STARD13: variants seen among roughly 807,000 people sequenced by gnomAD.
STARD13 encodes the protein StAR related lipid transfer domain containing 13.
STARD13 carries 62 observed loss-of-function variants against 106.4 expected under a neutral mutation model. That is an observed-to-expected ratio of 0.58 (90% CI 0.48 to 0.72). The LOEUF (loss-of-function observed/expected upper bound fraction) is 0.72, where lower values mean the gene tolerates loss of function less well. Among genes scored for constraint, STARD13 ranks in the 30% least tolerant of loss-of-function variants. STARD13 has a pLI of 0.00. For missense variants in STARD13, 1,387 were observed against 1,424.0 expected, an observed-to-expected ratio of 0.97 and a Z score of 0.42; for synonymous variants, 565 against 553.0, an observed-to-expected ratio of 1.02 and a Z score of -0.31.
At chr13:33,413,207 T>C in the STARD13 span, among the ~76,000 whole-genome samples, 2 of 152,082 alleles carry the variant, frequency 1.3e-5, no homozygotes, top group Non-Finnish European at 2.9e-5. Flanking sequence ...TTTTAAAACA[T>C]ACATTAAATA....
At chr13:33,608,126 G>C in the STARD13 span, among the ~76,000 whole-genome samples, 1 of 152,168 alleles carries the variant, frequency 6.6e-6, no homozygotes. Context: ...AGACTGGTCT[G>C]GAACTCCAGG....
At chr13:33,492,524 G>A in the STARD13 span, among the ~76,000 whole-genome samples, 17 of 152,156 alleles carry the variant, frequency 1.1e-4, no homozygotes, top group Non-Finnish European at 2.4e-4. Context: ...ACAGGTTGCA[G>A]TAAAGAAGCC....
intron 1 of STARD13, among the ~76,000 whole-genome samples, chr13:33,342,863 G>A (rs777617164): frequency 5.8e-4 from 89 of 152,152 alleles, no homozygotes; most frequent in Admixed American, 1.1e-3. Context: ...TGTACTAATA[G>A]TACTTGCATA....
chr13:33,161,351 A>G (rs867283368), intron 3 of STARD13, among the ~76,000 whole-genome samples: 1 of 151,548 alleles, frequency 6.6e-6, no homozygotes, highest in Admixed American at 6.6e-5. Context: ...GTCCTGCTCT[A>G]TTACCTAGGC....
At chr13:33,567,613 G>A in the STARD13 span, among the ~76,000 whole-genome samples, 3 of 144,828 alleles carry the variant, frequency 2.1e-5, no homozygotes, top group Admixed American at 1.4e-4. Flanking sequence ...AAAAATGATA[G>A]CATTGGAGCA....
the STARD13 span, among the ~76,000 whole-genome samples, chr13:33,578,474 C>A: frequency 6.6e-6 from 1 of 151,960 alleles, no homozygotes. Context: ...ATCCCTCTCT[C>A]TCTCACCATA....
At position 33,308,520 on chromosome 13, in the gene STARD13, C is replaced by CTTTTTTTTTTTTTTTTTTTTTTTTT. The variant is rs552526416; in HGVS notation, c.124+41769_124+41770insAAAAAAAAAAAAAAAAAAAAAAAAA. Reference sequence around the variant, plus strand: ...TCCTTTTTTCTTTTTCTTTTTCTTTCTTTTTTTTTTTTTTTTTTTTGAGTT... The same window carrying CTTTTTTTTTTTTTTTTTTTTTTTTT: ...TCCTTTTTTCTTTTTCTTTTTCTTTCTTTTTTTTTTTTTTTTTTTTTTTTTTTTTTTTTTTTTTTTTTTTTGAGTT... On this transcript the variant is annotated intron_variant, in intron 1 of 5. Transcript: ENST00000567873. 6.6e-3 allele frequency among the ~76,000 whole-genome samples: 582 copies of CTTTTTTTTTTTTTTTTTTTTTTTTT among 88,570 alleles called. 2 individuals are homozygous for CTTTTTTTTTTTTTTTTTTTTTTTTT. Among genetic ancestry groups the CTTTTTTTTTTTTTTTTTTTTTTTTT allele is most frequent in the Non-Finnish European group, 8.4e-3 (398 of 47,182 alleles). The allele number at this position is 88,570 out of a possible 152,430, so 58.1% of individuals were successfully genotyped here.
chr13:33,539,383 T>G, the STARD13 span, among the ~76,000 whole-genome samples: 1 of 152,240 alleles, frequency 6.6e-6, no homozygotes, highest in Non-Finnish European at 1.5e-5. Context: ...CCAGCAGATG[T>G]TTTTAGAAAT....
At chr13:33,246,720 A>AAG (rs760440094) in intron 1 of STARD13, among the ~76,000 whole-genome samples, 186 of 151,210 alleles carry the variant, frequency 1.2e-3, no homozygotes, top group African/African-American at 3.3e-3. Flanking sequence ...AACAAAAACT[A>AAG]AGAGAGAGAG....
chr13:33,644,421 C>A, the STARD13 span, among the ~76,000 whole-genome samples: 6 of 151,972 alleles, frequency 3.9e-5, no homozygotes, highest in African/African-American at 1.5e-4. Flanking sequence ...GTGAATGGTG[C>A]CTGATTCCCG....
chr13:33,306,091 A>G (rs1402729451), intron 1 of STARD13, among the ~76,000 whole-genome samples: 1 of 152,264 alleles, frequency 6.6e-6, no homozygotes, highest in East Asian at 1.9e-4. Flanking sequence ...ACAAGGCTAC[A>G]GTAACCAAAA....
intron 1 of STARD13, among the ~76,000 whole-genome samples, chr13:33,333,123 C>A (rs1594274189): frequency 6.6e-6 from 1 of 152,104 alleles, no homozygotes; most frequent in African/African-American, 2.4e-5. Context: ...GGTACGGTGG[C>A]TCAAGCTTGT....
chr13:33,222,504 C>T (rs1888410842), intron 1 of STARD13, among the ~76,000 whole-genome samples: 1 of 152,196 alleles, frequency 6.6e-6, no homozygotes, highest in Non-Finnish European at 1.5e-5. Context: ...AATTTCAAGA[C>T]AGCAACAGCA....
rs973257285 is a variant in STARD13, at chr13:33,207,313, A to G, written c.170-39691T>C. On this transcript the variant is annotated intron_variant, in intron 1 of 13. Coordinates refer to ENST00000336934, the MANE Select transcript of STARD13 (RefSeq NM_178006.4). ...TTAGTTCTCCTTCCACTCTCACTCA[A>G]TAGAACCCTAGAACTGGCATCTGCC... Among the ~76,000 whole-genome samples the G allele has an allele frequency of 5.3e-5, 8 of 152,224 alleles. No homozygotes were observed. The South Asian group carries it at 1.7e-3, about 32-fold the overall frequency.
chr13:33,522,278 T>C, the STARD13 span, among the ~76,000 whole-genome samples: 5 of 152,184 alleles, frequency 3.3e-5, no homozygotes, highest in Admixed American at 2.6e-4. Context: ...ATTTCCCATA[T>C]GGCACCTGCT....
chr13:33,541,817 C>T, the STARD13 span, among the ~76,000 whole-genome samples: 1 of 152,214 alleles, frequency 6.6e-6, no homozygotes, highest in Non-Finnish European at 1.5e-5. Context: ...GGAGCGGATG[C>T]AGATTCATAC....
intron 1 of STARD13, among the ~76,000 whole-genome samples, chr13:33,270,234 TAAAAC>T (rs1891092092): frequency 1.3e-5 from 2 of 152,086 alleles, no homozygotes; most frequent in Admixed American, 1.3e-4. Context: ...AGACTCGGCC[TAAAAC>T]AAAACAAAAA....
At chr13:33,307,457 C>T (rs193124795) in intron 1 of STARD13, among the ~76,000 whole-genome samples, 2 of 152,182 alleles carry the variant, frequency 1.3e-5, no homozygotes, top group African/African-American at 4.8e-5. Flanking sequence ...GGTACATATA[C>T]ACCATGGAAT....
chr13:33,301,219 A>T (rs903588035), intron 1 of STARD13, among the ~76,000 whole-genome samples: 2 of 152,234 alleles, frequency 1.3e-5, no homozygotes, highest in African/African-American at 4.8e-5. Flanking sequence ...ATAGAATGAA[A>T]TGCTGGGTGA....
Sources: allele counts gnomAD v4.1 joint callset (sites outside exome capture counted in the v4.1 genomes callset), GRCh38; gene constraint gnomAD v4.1.1; transcripts MANE v1.5; gene names NCBI Gene and HGNC (gene_info 2026-07-23, HGNC 2026-07-21).